Variants in CDADC1 observed in about 807,000 individuals in gnomAD.
CDADC1 encodes the protein dCTP deaminase.
Under a neutral mutation model 54.9 loss-of-function variants are expected in CDADC1, and 39 were observed. That is an observed-to-expected ratio of 0.71 (90% CI 0.55 to 0.93). CDADC1 has a LOEUF of 0.93. Ranked by LOEUF, CDADC1 falls within the 40% of genes least tolerant of loss-of-function variation. The probability of loss-of-function intolerance (pLI) is 0.00; values close to 1 mark genes in which losing one functional copy is unlikely to be tolerated. For synonymous variants in CDADC1, 186 were observed against 204.0 expected (o/e 0.91, Z 0.75); for missense variants, 518 against 618.8 (o/e 0.84, Z 1.73).
chr13:49,265,969 G>C, intron 4 of CDADC1: 1 of 1,299,930 alleles, frequency 7.7e-7, no homozygotes, highest in East Asian at 5.6e-5. Flanking sequence ...CAGAGGGAAG[G>C]TGAAATGCAA....
intron 4 of CDADC1, among the ~76,000 whole-genome samples, chr13:49,260,274 T>C (rs1285362599): frequency 6.6e-6 from 1 of 152,212 alleles, no homozygotes; most frequent in Non-Finnish European, 1.5e-5. Context: ...CAGTGACTTA[T>C]GTACTAGATA....
intron 1 of CDADC1, 103 bp downstream of exon 1, chr13:49,248,222 C>G (rs1484421262): frequency 9.4e-7 from 1 of 1,060,830 alleles, no homozygotes; most frequent in Admixed American, 2.1e-5. Context: ...CTTTGCCTCC[C>G]CTGCTGCTTT....
At chr13:49,281,014 A>G (rs1427614419) in intron 8 of CDADC1, among the ~76,000 whole-genome samples, 1 of 151,792 alleles carries the variant, frequency 6.6e-6, no homozygotes, top group African/African-American at 2.4e-5. Context: ...TTGTATTTTT[A>G]GTAGAGACGG....
intron 4 of CDADC1, among the ~76,000 whole-genome samples, chr13:49,263,669 T>C (rs187120208): frequency 1.7e-3 from 252 of 152,368 alleles, no homozygotes; most frequent in African/African-American, 5.9e-3. Flanking sequence ...AATTTTCGTA[T>C]ACTTCAATGA....
chr13:49,288,753 G>T (rs924837973), intron 9 of CDADC1, among the ~76,000 whole-genome samples: 3 of 151,954 alleles, frequency 2.0e-5, no homozygotes, highest in African/African-American at 4.8e-5. Flanking sequence ...AAGGCAGGCA[G>T]TGTGACTGAC....
chr13:49,252,262 C>G (rs2138192109), intron 2 of CDADC1, among the ~76,000 whole-genome samples: 1 of 152,248 alleles, frequency 6.6e-6, no homozygotes, highest in South Asian at 2.1e-4. Flanking sequence ...CTTGGGTAGG[C>G]CTTTACTTCT....
At chr13:49,287,960 G>C (rs1953570394) in intron 9 of CDADC1, among the ~76,000 whole-genome samples, 1 of 147,610 alleles carries the variant, frequency 6.8e-6, no homozygotes, top group African/African-American at 2.5e-5. Flanking sequence ...GCAACAGAGT[G>C]AGACCCTGCC....
intron 5 of CDADC1, 35 bp downstream of exon 5, chr13:49,268,094 G>A (rs1336363995): frequency 5.3e-6 from 8 of 1,500,678 alleles, no homozygotes; most frequent in Non-Finnish European, 6.4e-6. Flanking sequence ...GGGCTGATTG[G>A]TTGGGTTGTA....
At chr13:49,253,112 TA>T (rs1328259253) in intron 2 of CDADC1, among the ~76,000 whole-genome samples, 3 of 152,204 alleles carry the variant, frequency 2.0e-5, no homozygotes, top group Non-Finnish European at 4.4e-5. Flanking sequence ...TTGTACAGAG[TA>T]AATCACAGAA....
Position 49,248,862 on chromosome 13 carries a change from CTT to C in CDADC1, c.83-6_83-5del. 1 of 1,553,216 alleles carries C rather than the reference CTT, an allele frequency of 6.4e-7. No individual in the cohort carries two copies. The highest frequency in any genetic ancestry group is 8.9e-7 in the Non-Finnish European group (1 of 1,124,492). Reference sequence around the variant, plus strand: ...ACAAAGTTTAAAGTGTTTGTCGTCTCTTTTGTAGGTCAGATACCAAGGCTTTC... The same window carrying C: ...ACAAAGTTTAAAGTGTTTGTCGTCTCTTGTAGGTCAGATACCAAGGCTTTC... On this transcript the variant is annotated splice_polypyrimidine_tract_variant and splice_region_variant and intron_variant, in intron 1 of 9. Coordinates refer to ENST00000251108, the MANE Select transcript of CDADC1 (RefSeq NM_030911.4).
chr13:49,279,625 A>G (rs1418845336), intron 7 of CDADC1, among the ~76,000 whole-genome samples: 2 of 152,204 alleles, frequency 1.3e-5, no homozygotes, highest in African/African-American at 2.4e-5. Flanking sequence ...GCCATACGCT[A>G]TAGATTATGT....
At chr13:49,248,422 T>C in intron 1 of CDADC1, 1 of 383,856 alleles carries the variant, frequency 2.6e-6, no homozygotes, top group Non-Finnish European at 4.7e-6. Context: ...ATTTCCAAAT[T>C]AACCGCACGT....
chr13:49,249,369 A>T (rs1423715778), intron 2 of CDADC1, among the ~76,000 whole-genome samples: 1 of 152,218 alleles, frequency 6.6e-6, no homozygotes, highest in African/African-American at 2.4e-5. Context: ...GTCTAGCATT[A>T]TATGAGTGCT....
At chr13:49,249,001 G>A in intron 2 of CDADC1, 36 bp downstream of exon 2, 1 of 1,366,166 alleles carries the variant, frequency 7.3e-7, no homozygotes, top group Middle Eastern at 1.8e-4. Context: ...CCTTAGAAAA[G>A]CAGTGGTTTA....
intron 7 of CDADC1, among the ~76,000 whole-genome samples, chr13:49,278,739 CTT>C (rs1307575897): frequency 2.6e-5 from 4 of 152,144 alleles, no homozygotes; most frequent in African/African-American, 9.7e-5. Context: ...TTGAGCATGT[CTT>C]TTTTTCCCTT....
In CDADC1 at chr13:49,292,555, C is replaced by A. The variant is rs1953743065; in HGVS notation, c.*798C>A. 2.7e-6 allele frequency: 3 copies of A among 1,108,718 alleles called. No homozygotes were observed. Among genetic ancestry groups the A allele is most frequent in the South Asian group, 2.2e-5 (1 of 44,810 alleles). 68.7% of individuals were successfully genotyped at this position (1,108,718 alleles called of 1,614,324 possible). A position where few individuals can be genotyped will look rare whatever the true frequency, so the allele number is the denominator to read the frequency against. On this transcript the variant is annotated 3_prime_UTR_variant, in exon 10 of 10. Coordinates refer to ENST00000251108, the MANE Select transcript of CDADC1 (RefSeq NM_030911.4). ...AAATGCTGCTCCCCCATATAGTCTT[C>A]CCTTCTGTATAATTAACATAGGTTG...
intron 9 of CDADC1, among the ~76,000 whole-genome samples, chr13:49,291,142 G>A (rs182294202): frequency 3.8e-4 from 56 of 148,516 alleles, no homozygotes; most frequent in African/African-American, 1.1e-3. Context: ...ATTACTTGCC[G>A]TACACTGTTG....
chr13:49,279,217 A>C (rs1239633725), intron 7 of CDADC1, among the ~76,000 whole-genome samples: 1 of 152,180 alleles, frequency 6.6e-6, no homozygotes, highest in Non-Finnish European at 1.5e-5. Context: ...AGAGCTTCTA[A>C]TGCAATAGGG....
rs1440758272 is a variant in CDADC1, at chr13:49,267,652, A to G, written c.593A>G (p.Tyr198Cys). 6.2e-7 allele frequency: 1 copy of G among 1,614,062 alleles called. No homozygotes were observed. Among genetic ancestry groups the G allele is most frequent in the African/African-American group, 1.3e-5 (1 of 74,954 alleles). ...GTCTTACTTCAACCTTTGGTGTGTT[A>G]TATGGTGCAGTTTGTAGAGGAGACC... ...VCVLLQPLVC[Y>C]MVQFVEETSY... is the part of the protein sequence containing the mutation. Residue 198 changes from tyrosine (Y) to cysteine (C), a missense_variant, in exon 5 of 10, where the codon TAT becomes TGT. Physicochemically the swap from Tyr to Cys is radical, Grantham distance 194. Coordinates refer to ENST00000251108, the MANE Select transcript of CDADC1 (RefSeq NM_030911.4).
Sources: gnomAD v4.1 joint callset for allele counts (sites outside exome capture counted in the v4.1 genomes callset) on GRCh38, gnomAD v4.1.1 for gene constraint, MANE v1.5 for transcripts, NCBI Gene and HGNC (gene_info 2026-07-23, HGNC 2026-07-21) for gene names.